The following PIGN variants were observed in gnomAD, a reference collection of about 807,000 sequenced individuals.
The protein encoded by PIGN is GPI ethanolamine phosphate transferase 1.
Under a neutral mutation model 125.4 loss-of-function variants are expected in PIGN, and 117 were observed. The observed-to-expected ratio is 0.93, with a 90% confidence interval of 0.80 to 1.09. The LOEUF is 1.09. PIGN is among the 50% of genes least tolerant of loss of function. PIGN has a pLI of 0.00. For synonymous variants in PIGN, 392 were observed against 377.8 expected (o/e 1.04, Z -0.44); for missense variants, 1,075 against 1,094.9 (o/e 0.98, Z 0.26).
At chr18:62,074,247 G>A (rs1451812189) in intron 29 of PIGN, among the ~76,000 whole-genome samples, 1 of 152,180 alleles carries the variant, frequency 6.6e-6, no homozygotes, top group Admixed American at 6.5e-5. Flanking sequence ...AGCTGAGGGT[G>A]GTCTTGGGAA....
At chr18:62,135,799 A>T (rs991151307) in intron 14 of PIGN, 1 of 150,892 alleles carries the variant, frequency 6.6e-6, no homozygotes, top group Admixed American at 6.6e-5. Flanking sequence ...GCTCATTTTT[A>T]TATTTTTTGG....
chr18:62,037,569 G>A (rs899989069), downstream of PIGN, among the ~76,000 whole-genome samples: 53 of 152,250 alleles, frequency 3.5e-4, no homozygotes, highest in African/African-American at 1.3e-3. Context: ...TGCCATGGCT[G>A]TGAGCACTGA....
intron 9 of PIGN, among the ~76,000 whole-genome samples, chr18:62,146,537 A>G (rs1322458554): frequency 1.3e-5 from 2 of 152,190 alleles, no homozygotes; most frequent in African/African-American, 2.4e-5. Context: ...ATTTGGGGAC[A>G]AATCTCATCT....
intron 16 of PIGN, among the ~76,000 whole-genome samples, chr18:62,111,770 C>G (rs1422134148): frequency 6.6e-6 from 1 of 152,004 alleles, no homozygotes; most frequent in Non-Finnish European, 1.5e-5. Flanking sequence ...TATGTGTGCC[C>G]CAGGACAATT....
intron 7 of PIGN, among the ~76,000 whole-genome samples, chr18:62,152,255 TAG>T (rs1311571832): frequency 1.3e-5 from 2 of 152,180 alleles, no homozygotes; most frequent in Admixed American, 1.3e-4. Context: ...ACCCTTCAGA[TAG>T]TAGGCTTCAG....
At chr18:62,079,611 T>C (rs181835143) in intron 28 of PIGN, among the ~76,000 whole-genome samples, 2 of 151,596 alleles carry the variant, frequency 1.3e-5, no homozygotes, top group East Asian at 3.9e-4. Context: ...CAGAATAAAA[T>C]CTGTAACTAA....
chr18:62,155,564 C>G (rs975065608), intron 6 of PIGN, among the ~76,000 whole-genome samples: 2 of 151,704 alleles, frequency 1.3e-5, no homozygotes, highest in Admixed American at 1.3e-4. Flanking sequence ...GGCAAAACTC[C>G]GTCTCAAAAA....
At chr18:62,062,882 CTTTTTTTTTTTTTT>C (rs71160811) in intron 30 of PIGN, among the ~76,000 whole-genome samples, 7 of 21,076 alleles carry the variant, frequency 3.3e-4, no homozygotes, top group Admixed American at 1.3e-3. Context: ...TTGTATTCTG[CTTTTTTTTTTTTTT>C]TTTTTTTTTT....
At chr18:62,178,927 A>G (rs2037620933) in intron 1 of PIGN, among the ~76,000 whole-genome samples, 1 of 152,134 alleles carries the variant, frequency 6.6e-6, no homozygotes, top group African/African-American at 2.4e-5. Context: ...CAGAAACTCT[A>G]CCAGGATACC....
Position 62,048,456 on chromosome 18 carries a change from C to A in PIGN, c.2673-2477G>T, listed in dbSNP as rs142213300. 1.2e-3 allele frequency among the ~76,000 whole-genome samples: 177 copies of A among 151,960 alleles called. 2 individuals are homozygous for A. Among genetic ancestry groups the A allele is most frequent in the African/African-American group, 4.0e-3 (167 of 41,470 alleles). ...AAAGCAGTGAGAAATGACACCTTAC[C>A]TATAGGGGAAAAACAATTTGAATAA... On this transcript the variant is annotated intron_variant, in intron 30 of 30. Coordinates refer to ENST00000640252, the MANE Select transcript of PIGN (RefSeq NM_176787.5).
intron 28 of PIGN, among the ~76,000 whole-genome samples, chr18:62,080,818 T>C (rs2033414095): frequency 6.6e-6 from 1 of 152,184 alleles, no homozygotes. Flanking sequence ...TCTGAGCTAC[T>C]GTTAGTTAGA....
chr18:62,096,219 C>T lies in PIGN; in HGVS notation c.2078-269G>A, dbSNP rs62095307. Among the ~76,000 whole-genome samples the T allele has an allele frequency of 0.3, 44,905 of 151,628 alleles. 7,861 individuals are homozygous for T. The highest frequency in any genetic ancestry group is 0.58 in the East Asian group (2,969 of 5,154). ...CTGAGGTAGGAGAATCGCTTGAACC[C>T]GGGAGGCAGAGGTTGCAGTGAGCCG... is the stretch of plus-strand genomic sequence containing the variant. On this transcript the variant is annotated intron_variant, in intron 22 of 30. Transcript: ENST00000640252.
chr18:62,161,857 C>A (rs2036963752), intron 3 of PIGN, among the ~76,000 whole-genome samples: 1 of 150,820 alleles, frequency 6.6e-6, no homozygotes, highest in African/African-American at 2.4e-5. Flanking sequence ...TTAGATGTTG[C>A]TGAATTGATT....
chr18:62,044,053 C>T lies in PIGN; in HGVS notation c.*1803G>A, dbSNP rs1358120876. On this transcript the variant is annotated 3_prime_UTR_variant, in exon 31 of 31. Transcript: ENST00000640252. ...TCTGAAGGGGCCAGTTACGGTGCAG[C>T]AAGGCGAGCCTGTGGCTGCAGGCAC... The T allele has an allele frequency of 6.6e-6, 1 of 152,194 alleles. No individual in the cohort carries two copies. The highest frequency in any genetic ancestry group is 1.5e-5 in the Non-Finnish European group (1 of 68,048). 9.4% of individuals were successfully genotyped at this position (152,194 alleles called of 1,614,324 possible).
chr18:62,170,202 G>T (rs577192982), intron 1 of PIGN, among the ~76,000 whole-genome samples: 2 of 152,096 alleles, frequency 1.3e-5, no homozygotes, highest in African/African-American at 4.8e-5. Context: ...TTGTGTTCTT[G>T]TCACAGAACC....
At chr18:62,181,196 A>G (rs1032176331) in intron 1 of PIGN, among the ~76,000 whole-genome samples, 25 of 152,190 alleles carry the variant, frequency 1.6e-4, no homozygotes, top group African/African-American at 6.0e-4. Flanking sequence ...AAAAAATTGG[A>G]AACAATATCT....
At chr18:62,076,639 AT>A (rs1177910037) in intron 28 of PIGN, among the ~76,000 whole-genome samples, 3 of 152,270 alleles carry the variant, frequency 2.0e-5, no homozygotes, top group Non-Finnish European at 2.9e-5. Context: ...TTTTGAGTTA[AT>A]TTTTGAATAA....
rs2034938647 is a variant in PIGN, at chr18:62,112,998, A to G, written c.1434+136T>C. 7 of 638,584 alleles carry G rather than the reference A, an allele frequency of 1.1e-5. No individual in the cohort carries two copies. The South Asian group carries it at 1.8e-4, about 16-fold the overall frequency. The allele number at this position is 638,584 out of a possible 1,614,324, so 39.6% of individuals were successfully genotyped here. A position where few individuals can be genotyped will look rare whatever the true frequency, so the allele number is the denominator to read the frequency against. ...ACAGAGATAACTGAGGAAAAATCCA[A>G]TACAATAAAAGCAAATGAAAGATAA... On this transcript the variant is annotated intron_variant, in intron 16 of 30. Coordinates refer to ENST00000640252, the MANE Select transcript of PIGN (RefSeq NM_176787.5).
chr18:62,063,256 A>G (rs1041319922), intron 30 of PIGN, among the ~76,000 whole-genome samples: 1 of 150,992 alleles, frequency 6.6e-6, no homozygotes, highest in Non-Finnish European at 1.5e-5. Context: ...ATGGTTTTAT[A>G]GATTTTAGCC....
Sources: allele counts gnomAD v4.1 joint callset (sites outside exome capture counted in the v4.1 genomes callset), GRCh38; gene constraint gnomAD v4.1.1; transcripts MANE v1.5; gene names NCBI Gene and HGNC (gene_info 2026-07-23, HGNC 2026-07-21).